STK38: variants seen among roughly 807,000 people sequenced by gnomAD.
The protein encoded by STK38 is serine/threonine-protein kinase 38.
A neutral mutation model predicts 59.0 loss-of-function variants in STK38; 26 were observed. The ratio of observed to expected loss-of-function variants is 0.44; its 90% CI spans 0.32 to 0.61. The LOEUF (loss-of-function observed/expected upper bound fraction) is 0.61, where lower values mean the gene tolerates loss of function less well. Among genes scored for constraint, STK38 ranks in the 20% least tolerant of loss-of-function variants. STK38 has a pLI of 0.04. For synonymous variants in STK38, 175 were observed against 176.6 expected, an observed-to-expected ratio of 0.99 and a Z score of 0.07; for missense variants, 433 against 566.0, an observed-to-expected ratio of 0.76 and a Z score of 2.38.
chr6:36,507,423 T>C (rs16888690), intron 8 of STK38, 77 bp downstream of exon 8: 259,977 of 1,179,668 alleles, frequency 0.22, 32,291 homozygotes, highest in African/African-American at 0.44. Flanking sequence ...TCCTATCTGT[T>C]CTAATTTGGT....
At chr6:36,543,823 G>A (rs1048162782) in intron 1 of STK38, among the ~76,000 whole-genome samples, 5 of 151,990 alleles carry the variant, frequency 3.3e-5, no homozygotes, top group African/African-American at 9.7e-5. Context: ...TAGTAGAGAC[G>A]GGGTTTCACT....
chr6:36,546,163 C>T (rs990721294), intron 1 of STK38, among the ~76,000 whole-genome samples: 1 of 152,214 alleles, frequency 6.6e-6, no homozygotes, highest in African/African-American at 2.4e-5. Context: ...ATGTCTTATA[C>T]TTGTTTTAAT....
In STK38 at chr6:36,494,978, G is replaced by T. The variant is rs1776665257; in HGVS notation, c.*806C>A. 1 of 152,240 alleles carries T rather than the reference G, an allele frequency of 6.6e-6. No homozygotes were observed. Among genetic ancestry groups the T allele is most frequent in the East Asian group, 1.9e-4 (1 of 5,194 alleles). The allele number at this position is 152,240 out of a possible 1,614,324, so 9.4% of individuals were successfully genotyped here. On this transcript the variant is annotated 3_prime_UTR_variant, in exon 14 of 14. Transcript: ENST00000229812. ...TAGTCCACGGCAAGATCTGTCTTAG[G>T]GATTTTCTGGTACAGCCGTGAAGAG...
intron 2 of STK38, among the ~76,000 whole-genome samples, chr6:36,535,255 C>A (rs1012187274): frequency 2.0e-5 from 3 of 152,050 alleles, no homozygotes; most frequent in African/African-American, 7.2e-5. Context: ...TCGAGACCAG[C>A]CTGCCCAACA....
At chr6:36,514,063 G>A (rs1488201366) in intron 7 of STK38, among the ~76,000 whole-genome samples, 5 of 150,536 alleles carry the variant, frequency 3.3e-5, no homozygotes, top group Admixed American at 2.7e-4. Context: ...GCTGAGGCAG[G>A]AGAATGGTGT....
At chr6:36,531,988 A>G (rs1777676251) in intron 2 of STK38, among the ~76,000 whole-genome samples, 1 of 152,248 alleles carries the variant, frequency 6.6e-6, no homozygotes. Flanking sequence ...AAATAAAAAA[A>G]ATGAAAATTT....
At chr6:36,504,507 A>G (rs969456572) in intron 9 of STK38, among the ~76,000 whole-genome samples, 66 of 152,224 alleles carry the variant, frequency 4.3e-4, no homozygotes, top group Admixed American at 4.1e-3. Flanking sequence ...TAACACAGTT[A>G]ATTAACATTT....
At chr6:36,521,868 A>G in intron 4 of STK38, 51 bp from the exon 5 acceptor site, 2 of 1,446,926 alleles carry the variant, frequency 1.4e-6, no homozygotes, top group Non-Finnish European at 1.9e-6. Flanking sequence ...CTACCAACCT[A>G]ATGCTTTCAT....
intron 8 of STK38, 106 bp from the exon 9 acceptor site, chr6:36,506,750 C>G (rs1410371294): frequency 1.0e-6 from 1 of 957,028 alleles, no homozygotes; most frequent in East Asian, 2.6e-5. Context: ...TCTTGCTTTT[C>G]TTCTACTCAT....
intron 7 of STK38, among the ~76,000 whole-genome samples, chr6:36,513,972 C>T (rs532815125): frequency 2.0e-5 from 3 of 150,738 alleles, no homozygotes; most frequent in Non-Finnish European, 4.4e-5. Context: ...TGGCTAACAC[C>T]GTGAAACCCC....
At chr6:36,536,612 C>T (rs1463495018) in intron 2 of STK38, among the ~76,000 whole-genome samples, 1 of 152,144 alleles carries the variant, frequency 6.6e-6, no homozygotes, top group Non-Finnish European at 1.5e-5. Flanking sequence ...CAGCTCACCA[C>T]AAACTCCGCC....
At chr6:36,540,742 TCA>T (rs1383028301) in intron 1 of STK38, among the ~76,000 whole-genome samples, 1 of 151,942 alleles carries the variant, frequency 6.6e-6, no homozygotes, top group Non-Finnish European at 1.5e-5. Context: ...TTCTCCCACC[TCA>T]GTTTCCCGAG....
chr6:36,498,572 C>CTT, intron 10 of STK38, 86 bp from the exon 11 acceptor site: 1 of 1,183,120 alleles, frequency 8.5e-7, no homozygotes, highest in Non-Finnish European at 1.2e-6. Flanking sequence ...AATTCTATGT[C>CTT]TTTTTTTTTC....
chr6:36,517,327 G>A (rs1360915026), intron 6 of STK38, among the ~76,000 whole-genome samples: 1 of 152,058 alleles, frequency 6.6e-6, no homozygotes, highest in Non-Finnish European at 1.5e-5. Context: ...TTATTAATAT[G>A]TTATACAAAA....
Position 36,495,810 on chromosome 6 carries a change from G to A in STK38, c.1372C>T (p.Pro458Ser), listed in dbSNP as rs1204814632. The A allele has an allele frequency of 2.5e-6, 4 of 1,613,916 alleles. No homozygotes were observed. The highest frequency in any genetic ancestry group is 1.7e-6 in the Non-Finnish European group (2 of 1,179,992). ...TATTTTGCTGCTTTCATGTAGGAAG[G>A]TATTGCCCCCCTTGCAGTCAGGCCC... ...FEGLTARGAI[P>S]SYMKAAK Residue 458 changes from proline to serine, a missense_variant, in exon 14 of 14, where the codon CCT (proline) becomes TCT (serine). Physicochemically the swap from Pro to Ser is moderately conservative, Grantham distance 74 (BLOSUM62 -1). Around this residue, in one of 3 missense-constraint regions of STK38, gnomAD observed 136 missense variants for 156.7 expected, o/e 0.87. Coordinates refer to ENST00000229812, the MANE Select transcript of STK38 (RefSeq NM_007271.4).
Position 36,515,455 on chromosome 6 carries a change from C to G in STK38, c.552G>C (p.Leu184=). ...TATAAAACTGAGTCTCCTCTTCTGT[C>G]AGAGTGTCTTTTTTCATCAACAAGG... ...MMTLLMKKDT[L]TEEETQFYIA... is the part of the protein sequence containing the mutation. The change falls in exon 7 of 14, where the codon CTG becomes CTC. Residue 184 remains leucine (L), a synonymous_variant. Transcript: ENST00000229812. 6.2e-7 allele frequency: 1 copy of G among 1,613,444 alleles called. No individual in the cohort carries two copies.
chr6:36,537,868 C>T (rs970570369), intron 2 of STK38, among the ~76,000 whole-genome samples: 6 of 151,640 alleles, frequency 4.0e-5, no homozygotes, highest in African/African-American at 1.5e-4. Context: ...CACTGCACAC[C>T]AGCCTGGGCA....
intron 7 of STK38, 38 bp from the exon 8 acceptor site, chr6:36,507,640 T>G: frequency 6.7e-7 from 1 of 1,495,276 alleles, no homozygotes; most frequent in African/African-American, 1.4e-5. Context: ...GGATGAGTAT[T>G]CTTGGAGGTA....
chr6:36,512,667 C>T (rs921738154), intron 7 of STK38, among the ~76,000 whole-genome samples: 2 of 149,802 alleles, frequency 1.3e-5, no homozygotes, highest in Non-Finnish European at 3.0e-5. Flanking sequence ...AATCTTTCTT[C>T]TTTTTTTTTT....
Sources: gnomAD v4.1 joint callset for allele counts (sites outside exome capture counted in the v4.1 genomes callset) on GRCh38, gnomAD v4.1.1 for gene constraint, gnomAD v4.1.1 regional missense constraint, MANE v1.5 for transcripts, NCBI Gene and HGNC (gene_info 2026-07-23, HGNC 2026-07-21) for gene names.